Variants in CHD5 observed in about 807,000 individuals in gnomAD.
CHD5 encodes the protein ATP-dependent chromatin remodeler CHD5.
In CHD5, 69 loss-of-function variants were observed where a neutral mutation model predicts 230.3. That is an observed-to-expected ratio of 0.30 (90% CI 0.25 to 0.37). CHD5 has a LOEUF of 0.37. Among genes scored for constraint, CHD5 ranks in the 10% least tolerant of loss-of-function variants. The probability of loss-of-function intolerance (pLI) is 1.00; values close to 1 mark genes in which losing one functional copy is unlikely to be tolerated. For missense variants in CHD5, 1,827 were observed against 2,622.8 expected (o/e 0.70, Z 6.63); for synonymous variants, 1,064 against 1,065.9 (o/e 1.00, Z 0.03).
chr1:6,179,196 A>G (rs1472291304), intron 1 of CHD5, among the ~76,000 whole-genome samples: 5 of 152,226 alleles, frequency 3.3e-5, no homozygotes, highest in Non-Finnish European at 7.3e-5. Context: ...CTGGGGCGTC[A>G]GGCCCGTAGC....
In CHD5 at chr1:6,120,684, C is replaced by T. The variant is rs188958772; in HGVS notation, c.4912+421G>A. Among the ~76,000 whole-genome samples the T allele has an allele frequency of 1.3e-4, 20 of 152,082 alleles. No individual in the cohort carries two copies. The East Asian group carries it at 3.9e-3, about 29-fold the overall frequency. The stretch of plus-strand genomic sequence containing the variant: ...GGGTGTGGTGGTATGCACCTATAGT[C>T]CCAGCTACAAGAGATCGAGACCATC... On this transcript the variant is annotated intron_variant, in intron 33 of 41. Coordinates refer to ENST00000262450, the MANE Select transcript of CHD5 (RefSeq NM_015557.3).
chr1:6,142,296 C>G lies in CHD5; in HGVS notation c.2268G>C (p.Ala756=). The part of the protein sequence containing the change: ...GHSKGPYLVS[A]PLSTIINWER... ...CCCAGTTGATGATGGTGGAGAGGGG[C>G]GCGCTAACCAGGTAGGGCCCTTTGG... The change falls in exon 15 of 42, where the codon GCG becomes GCC. Residue 756 remains alanine, a synonymous_variant. Coordinates refer to ENST00000262450, the MANE Select transcript of CHD5 (RefSeq NM_015557.3). This position sits in a 1 kb window ranked among gnomAD's most constrained non-coding sequence, Gnocchi z 5.2. The G allele has an allele frequency of 1.2e-6, 2 of 1,612,440 alleles. No individual in the cohort carries two copies. The highest frequency in any genetic ancestry group is 1.7e-4 in the Middle Eastern group (1 of 6,058).
At chr1:6,110,601 G>C (rs963075579) in intron 36 of CHD5, 75 bp from the exon 37 acceptor site, 12 of 1,482,514 alleles carry the variant, frequency 8.1e-6, no homozygotes, top group Middle Eastern at 2.3e-4. Flanking sequence ...GCTCAGGGAG[G>C]GGGAGGGGCC....
rs1441857300 is a variant in CHD5 at position 6,129,892 on chromosome 1, G to A, written c.3387+312C>T. On this transcript the variant is annotated intron_variant, in intron 22 of 41. Transcript: ENST00000262450. This position sits in a 1 kb window ranked among gnomAD's most constrained non-coding sequence, Gnocchi z 6.8. Reference sequence around the variant, plus strand: ...GCTCCCTCTTCCTGCCTCCCTCCACGGCCTTGGTCCTGAGGATGATGGGAA... The same window carrying A: ...GCTCCCTCTTCCTGCCTCCCTCCACAGCCTTGGTCCTGAGGATGATGGGAA... 1.3e-5 allele frequency among the ~76,000 whole-genome samples: 2 copies of A among 152,022 alleles called. No individual in the cohort carries two copies. Among genetic ancestry groups the A allele is most frequent in the Admixed American group, 6.5e-5 (1 of 15,274 alleles).
At chr1:6,152,312 T>A in intron 6 of CHD5, 100 bp downstream of exon 6, 1 of 1,393,912 alleles carries the variant, frequency 7.2e-7, no homozygotes, top group Non-Finnish European at 9.8e-7. Flanking sequence ...CCCCAGCTAG[T>A]TTGTAATGAA....
chr1:6,132,578 A>G (rs1405984341), intron 20 of CHD5, among the ~76,000 whole-genome samples: 2 of 152,132 alleles, frequency 1.3e-5, no homozygotes, highest in Admixed American at 1.3e-4. Context: ...TGATTGTTGG[A>G]GCATCTCAAG....
Position 6,154,311 on chromosome 1 carries a change from C to T in CHD5, c.745+349G>A, listed in dbSNP as rs1421493903. ...CCAAGAGCCTGCCAACTCCCAGAAA[C>T]CCAGGCTGGAGCGGCTCCACTCTGC... On this transcript the variant is annotated intron_variant, in intron 5 of 41. Coordinates refer to ENST00000262450, the MANE Select transcript of CHD5 (RefSeq NM_015557.3). The surrounding 1 kb of genome is among the most constrained non-coding windows in gnomAD (Gnocchi z 7.0). Among the ~76,000 whole-genome samples the T allele has an allele frequency of 6.6e-6, 1 of 152,176 alleles. No individual in the cohort carries two copies. The highest frequency in any genetic ancestry group is 1.9e-4 in the East Asian group (1 of 5,190).
chr1:6,121,434 C>A lies in CHD5; in HGVS notation c.4779+60G>T. ...CTCGCTGTACAGGGCCTGAGAAGGT[C>A]CCCAGACCCAACCTCCACCCCACAC... is the stretch of plus-strand genomic sequence containing the variant. On this transcript the variant is annotated intron_variant, in intron 32 of 41. Coordinates refer to ENST00000262450, the MANE Select transcript of CHD5 (RefSeq NM_015557.3). This position sits in a 1 kb window ranked among gnomAD's most constrained non-coding sequence, Gnocchi z 4.5. 6.6e-7 allele frequency: 1 copy of A among 1,525,850 alleles called. No homozygotes were observed. Among genetic ancestry groups the A allele is most frequent in the South Asian group, 1.2e-5 (1 of 86,484 alleles). 94.5% of individuals were successfully genotyped at this position (1,525,850 alleles called of 1,614,324 possible). A position where few individuals can be genotyped will look rare whatever the true frequency, so the allele number is the denominator to read the frequency against.
Position 6,111,899 on chromosome 1 carries a change from AGGTGAGCAG to A in CHD5, c.5141-25_5141-17del. The A allele has an allele frequency of 6.2e-7, 1 of 1,610,120 alleles. No individual in the cohort carries two copies. The highest frequency in any genetic ancestry group is 8.5e-7 in the Non-Finnish European group (1 of 1,177,346). ...GTGTGCAACTCTGGGAAACAAGCCA[AGGTGAGCAG>A]GGTGAGAAGTGCCCCAGCTCTCACG... On this transcript the variant is annotated splice_polypyrimidine_tract_variant and intron_variant, in intron 35 of 41. Coordinates refer to ENST00000262450, the MANE Select transcript of CHD5 (RefSeq NM_015557.3).
chr1:6,167,067 T>C lies in CHD5; in HGVS notation c.207+1083A>G, dbSNP rs1667267521. 6.6e-6 allele frequency among the ~76,000 whole-genome samples: 1 copy of C among 152,152 alleles called. No homozygotes were observed. Among genetic ancestry groups the C allele is most frequent in the African/African-American group, 2.4e-5 (1 of 41,436 alleles). On this transcript the variant is annotated intron_variant, in intron 2 of 41. Coordinates refer to ENST00000262450, the MANE Select transcript of CHD5 (RefSeq NM_015557.3). The surrounding 1 kb of genome is among the most constrained non-coding windows in gnomAD (Gnocchi z 4.5). ...CGCTGCCAAGGGCACCCCCTTAGCATTAGCACCTCACCTCACCACCACTGC... is the reference window on the plus strand; with the variant it reads ...CGCTGCCAAGGGCACCCCCTTAGCACTAGCACCTCACCTCACCACCACTGC...
chr1:6,135,870 C>T (rs1046429617), intron 17 of CHD5, among the ~76,000 whole-genome samples: 1 of 152,042 alleles, frequency 6.6e-6, no homozygotes, highest in African/African-American at 2.4e-5. Flanking sequence ...ATTAGCCGGG[C>T]GTGGTGACAC....
Position 6,128,776 on chromosome 1 carries a change from G to T in CHD5, c.3619+62C>A, listed in dbSNP as rs528433169. On this transcript the variant is annotated intron_variant, in intron 23 of 41. Transcript: ENST00000262450. The surrounding 1 kb of genome is among the most constrained non-coding windows in gnomAD (Gnocchi z 7.8). ...CGGGCAGGGACCCAAGCAAGCCCTG[G>T]ATGGGTGTCTCAGCCGGGCCACCCC... The T allele has an allele frequency of 6.9e-5, 99 of 1,437,604 alleles. No homozygotes were observed. In the East Asian group the frequency reaches 2.1e-3, roughly 30 times the overall value. 89.1% of individuals were successfully genotyped at this position (1,437,604 alleles called of 1,614,324 possible).
chr1:6,149,852 G>A (rs1207992880), intron 7 of CHD5, among the ~76,000 whole-genome samples: 8 of 151,098 alleles, frequency 5.3e-5, no homozygotes, highest in South Asian at 2.1e-4. Flanking sequence ...ACAAATGGAC[G>A]GATGATGGAT....
At position 6,129,049 on chromosome 1, in the gene CHD5, G is replaced by A. The variant is rs1666610225; in HGVS notation, c.3408C>T (p.Arg1136=). The change falls in exon 23 of 42, where the codon CGC becomes CGT. Residue 1136 remains arginine (R), a synonymous_variant. Transcript: ENST00000262450. The surrounding 1 kb of genome is among the most constrained non-coding windows in gnomAD (Gnocchi z 6.8). ...TCATCACCTTCTTGTTCTGGCCGAT[G>A]CGGTGGGCGCGGCTGAAGGCCTGGG... ...NDIQAFSRAH[R]IGQNKKVMIY... is the part of the protein sequence containing the mutation. The A allele has an allele frequency of 1.2e-6, 2 of 1,604,066 alleles. No homozygotes were observed. The highest frequency in any genetic ancestry group is 1.1e-5 in the South Asian group (1 of 91,008).
At position 6,146,319 on chromosome 1, in the gene CHD5, G is replaced by A. The variant is rs992073301; in HGVS notation, c.1695C>T (p.Ser565=). ...DYGSGDEDGK[S]EKRKNKDPLY... is the part of the protein sequence containing the mutation. Reference sequence around the variant, plus strand: ...GGGGGTCCTTGTTCTTCCTCTTCTCGCTCTTGCCGTCTTCATCCCCAGAGC... The same window carrying A: ...GGGGGTCCTTGTTCTTCCTCTTCTCACTCTTGCCGTCTTCATCCCCAGAGC... The change falls in exon 11 of 42, where the codon AGC becomes AGT. Residue 565 remains serine, a synonymous_variant. Coordinates refer to ENST00000262450, the MANE Select transcript of CHD5 (RefSeq NM_015557.3). This position sits in a 1 kb window ranked among gnomAD's most constrained non-coding sequence, Gnocchi z 5.1. 1.1e-5 allele frequency: 18 copies of A among 1,613,950 alleles called. No individual in the cohort carries two copies. The highest frequency in any genetic ancestry group is 1.7e-5 in the Admixed American group (1 of 60,002).
intron 17 of CHD5, among the ~76,000 whole-genome samples, chr1:6,136,018 A>C (rs1283666872): frequency 4.3e-5 from 5 of 117,176 alleles, no homozygotes; most frequent in African/African-American, 1.2e-4. Context: ...TTTTAATAAA[A>C]AAAAACAACA....
chr1:6,141,478 G>A (rs1666827005), intron 15 of CHD5, among the ~76,000 whole-genome samples: 1 of 151,580 alleles, frequency 6.6e-6, no homozygotes. Flanking sequence ...AGCCGGCCAT[G>A]ATGGCGCACT....
chr1:6,141,617 A>G (rs1666829417), intron 15 of CHD5, among the ~76,000 whole-genome samples: 1 of 152,246 alleles, frequency 6.6e-6, no homozygotes, highest in East Asian at 1.9e-4. Flanking sequence ...AAAAAAATAA[A>G]TAAATAAATA....
intron 25 of CHD5, 89 bp downstream of exon 25, chr1:6,127,957 G>T: frequency 8.4e-7 from 1 of 1,188,364 alleles, no homozygotes; most frequent in Non-Finnish European, 1.2e-6. Context: ...CGGGAGGGCG[G>T]GGTCACAGTG....
Sources: gnomAD v4.1 joint callset for allele counts (sites outside exome capture counted in the v4.1 genomes callset) on GRCh38, gnomAD v4.1.1 for gene constraint, Gnocchi (gnomAD v3.1) non-coding constraint, MANE v1.5 for transcripts, NCBI Gene and HGNC (gene_info 2026-07-23, HGNC 2026-07-21) for gene names.